The following QTMAN variants were observed in gnomAD, a reference collection of about 807,000 sequenced individuals.
QTMAN encodes queuosine-tRNA mannosyltransferase, also known as tRNA-queuosine alpha-mannosyltransferase.
At chr2:144,198,227 A>C in the QTMAN span, among the ~76,000 whole-genome samples, 2 of 152,106 alleles carry the variant, frequency 1.3e-5, no homozygotes, top group African/African-American at 4.8e-5. Context: ...AAAAAAAAAA[A>C]ACAAAATACC....
chr2:143,945,381 T>G, the QTMAN span: 1 of 152,224 alleles, frequency 6.6e-6, no homozygotes, highest in African/African-American at 2.4e-5. Context: ...CATCACACAC[T>G]GTGGGTCTCA....
the QTMAN span, among the ~76,000 whole-genome samples, chr2:144,163,665 T>C: frequency 2.6e-5 from 4 of 152,234 alleles, no homozygotes; most frequent in Non-Finnish European, 5.9e-5. Context: ...TGGCAAACAG[T>C]GCCAGAGACT....
chr2:144,223,324 T>C, the QTMAN span, among the ~76,000 whole-genome samples: 1 of 152,180 alleles, frequency 6.6e-6, no homozygotes, highest in African/African-American at 2.4e-5. Flanking sequence ...CAATCTTATT[T>C]TATCTATTTA....
the QTMAN span, among the ~76,000 whole-genome samples, chr2:144,248,746 C>CT: frequency 6.8e-6 from 1 of 146,904 alleles, no homozygotes. Context: ...CTTTTTTTAA[C>CT]TTAAAAAAAA....
At chr2:144,234,914 C>T in the QTMAN span, among the ~76,000 whole-genome samples, 1 of 152,148 alleles carries the variant, frequency 6.6e-6, no homozygotes, top group African/African-American at 2.4e-5. Flanking sequence ...TCTTATTATT[C>T]AAATTAGTGC....
chr2:144,071,726 C>T, the QTMAN span, among the ~76,000 whole-genome samples: 5 of 152,192 alleles, frequency 3.3e-5, no homozygotes, highest in East Asian at 9.6e-4. Context: ...TGAATGTTGC[C>T]TATGTCAAAT....
chr2:144,332,660 C>A, the QTMAN span: 2 of 151,688 alleles, frequency 1.3e-5, no homozygotes, highest in Admixed American at 1.3e-4. Context: ...ACTCCGCTGG[C>A]GCGAGGTCCC....
the QTMAN span, among the ~76,000 whole-genome samples, chr2:144,163,074 A>G: frequency 1.3e-5 from 2 of 152,156 alleles, no homozygotes; most frequent in African/African-American, 4.8e-5. Context: ...ATTTTATTGT[A>G]TTTTTACCCA....
At chr2:144,064,277 A>G in the QTMAN span, among the ~76,000 whole-genome samples, 1 of 152,190 alleles carries the variant, frequency 6.6e-6, no homozygotes, top group Non-Finnish European at 1.5e-5. Context: ...GAAGCATTCG[A>G]TTTCATTCAT....
the QTMAN span, among the ~76,000 whole-genome samples, chr2:143,962,843 G>A: frequency 6.6e-6 from 1 of 152,152 alleles, no homozygotes; most frequent in African/African-American, 2.4e-5. Context: ...GTTAAACAAA[G>A]GGTAGAGTAA....
the QTMAN span, among the ~76,000 whole-genome samples, chr2:144,325,172 A>G: frequency 6.6e-6 from 1 of 152,246 alleles, no homozygotes; most frequent in South Asian, 2.1e-4. Flanking sequence ...CATATCTTTT[A>G]TAACCTGCTG....
the QTMAN span, among the ~76,000 whole-genome samples, chr2:144,138,115 C>T: frequency 6.9e-4 from 105 of 152,086 alleles, no homozygotes; most frequent in African/African-American, 2.4e-3. Flanking sequence ...GATGAGGAAC[C>T]CAGCAAAGGA....
the QTMAN span, among the ~76,000 whole-genome samples, chr2:144,014,362 T>A: frequency 6.6e-6 from 1 of 152,198 alleles, no homozygotes; most frequent in Admixed American, 6.5e-5. Flanking sequence ...AAGTATTCAA[T>A]GCTTGATGCC....
At chr2:144,015,265 AAC>A in the QTMAN span, among the ~76,000 whole-genome samples, 3 of 152,018 alleles carry the variant, frequency 2.0e-5, no homozygotes, top group African/African-American at 7.2e-5. Context: ...ACAACAACAA[AAC>A]TCTCTCGTTT....
the QTMAN span, among the ~76,000 whole-genome samples, chr2:144,098,815 T>C: frequency 2.0e-5 from 3 of 148,470 alleles, no homozygotes; most frequent in African/African-American, 7.5e-5. Flanking sequence ...ACAAGATAGA[T>C]GATGAGGAGA....
chr2:144,082,441 G>T, the QTMAN span, among the ~76,000 whole-genome samples: 10 of 152,018 alleles, frequency 6.6e-5, no homozygotes, highest in African/African-American at 2.2e-4. Context: ...CTGAAGAACT[G>T]TATTAAAATC....
chr2:144,030,625 C>T, the QTMAN span, among the ~76,000 whole-genome samples: 5 of 150,718 alleles, frequency 3.3e-5, no homozygotes, highest in South Asian at 2.1e-4. Context: ...TAGATTCAAA[C>T]GAAGGAAGAA....
At chr2:144,227,492 T>C in the QTMAN span, among the ~76,000 whole-genome samples, 1 of 152,164 alleles carries the variant, frequency 6.6e-6, no homozygotes, top group East Asian at 1.9e-4. Context: ...AATGTATAAA[T>C]GATTTATACC....
the QTMAN span, among the ~76,000 whole-genome samples, chr2:144,190,626 A>G: frequency 6.6e-6 from 1 of 152,208 alleles, no homozygotes; most frequent in Non-Finnish European, 1.5e-5. Flanking sequence ...TTATACAATA[A>G]GTCTCTAATA....
Sources: gnomAD v4.1 joint callset for allele counts (sites outside exome capture counted in the v4.1 genomes callset) on GRCh38, gnomAD v4.1.1 for gene constraint, MANE v1.5 for transcripts, NCBI Gene and HGNC (gene_info 2026-07-23, HGNC 2026-07-21) for gene names.